The following SZT2 variants were observed in gnomAD, a reference collection of about 807,000 sequenced individuals.
The protein encoded by SZT2 is SZT2 subunit of KICSTOR complex, also known as KICSTOR complex protein SZT2.
In SZT2, 216 loss-of-function variants were observed where a neutral mutation model predicts 404.2. The ratio of observed to expected loss-of-function variants is 0.53; its 90% CI spans 0.48 to 0.60. The LOEUF is 0.60. Among genes scored for constraint, SZT2 ranks in the 20% least tolerant of loss-of-function variants. The pLI is 0.00. For missense variants in SZT2, 3,857 were observed against 4,459.2 expected (o/e 0.86, Z 3.85); for synonymous variants, 1,693 against 1,749.9 (o/e 0.97, Z 0.81).
rs763243256 is a variant in SZT2, at chr1:43,427,343, T to C, written c.3496T>C (p.Phe1166Leu). 6.2e-7 allele frequency: 1 copy of C among 1,613,926 alleles called. No individual in the cohort carries two copies. Among genetic ancestry groups the C allele is most frequent in the Non-Finnish European group, 8.5e-7 (1 of 1,179,976 alleles). The part of the protein sequence containing the change: ...GPPQEETKPK[F>L]GDWSGAPSLK... ...CCCTCAAGAGGAGACAAAGCCTAAG[T>C]TTGGGGATTGGAGTGGGGCTCCCAG... The change falls in exon 25 of 72, where the codon TTT (phenylalanine) becomes CTT (leucine). Residue 1166 changes from phenylalanine to leucine, a missense_variant. Transcript: ENST00000634258.
rs535083944 is a variant in SZT2, at chr1:43,431,998, A to G, written c.5274+97A>G. On this transcript the variant is annotated intron_variant, in intron 36 of 71. Coordinates refer to ENST00000634258, the MANE Select transcript of SZT2 (RefSeq NM_001365999.1). The stretch of plus-strand genomic sequence containing the variant: ...GAAGGCCCTCTGTTAGTTCGAACTC[A>G]TAGAGTTATCCCTCCTGTCTCCCTG... 5.3e-5 allele frequency: 75 copies of G among 1,428,376 alleles called. No homozygotes were observed. In the African/African-American group the frequency reaches 1.0e-3, roughly 20 times the overall value. 88.5% of individuals were successfully genotyped at this position (1,428,376 alleles called of 1,614,324 possible). A position where few individuals can be genotyped will look rare whatever the true frequency, so the allele number is the denominator to read the frequency against.
Position 43,448,053 on chromosome 1 carries a change from C to A in SZT2, c.9564-26C>A. On this transcript the variant is annotated intron_variant, in intron 68 of 71. Coordinates refer to ENST00000634258, the MANE Select transcript of SZT2 (RefSeq NM_001365999.1). This position sits in a 1 kb window ranked among gnomAD's most constrained non-coding sequence, Gnocchi z 4.2. ...TGTGTGTCTCTTGCTACAACCACCA[C>A]TCTCCTGCCCTGCTCCCCACCCCAG... 1 of 1,603,088 alleles carries A rather than the reference C, an allele frequency of 6.2e-7. No homozygotes were observed. The highest frequency in any genetic ancestry group is 8.5e-7 in the Non-Finnish European group (1 of 1,172,256).
At chr1:43,435,404 G>A (rs1654360498) in intron 42 of SZT2, 75 bp downstream of exon 42, 2 of 1,548,068 alleles carry the variant, frequency 1.3e-6, no homozygotes, top group Non-Finnish European at 1.8e-6. Flanking sequence ...TCTGGTGAAA[G>A]CTGAGGGCAG....
In SZT2 at chr1:43,439,137, C is replaced by T. The variant is rs1222381083; in HGVS notation, c.6792+44C>T. 2.5e-6 allele frequency: 4 copies of T among 1,610,114 alleles called. No homozygotes were observed. Among genetic ancestry groups the T allele is most frequent in the South Asian group, 1.1e-5 (1 of 90,846 alleles). On this transcript the variant is annotated intron_variant, in intron 48 of 71. Coordinates refer to ENST00000634258, the MANE Select transcript of SZT2 (RefSeq NM_001365999.1). The surrounding 1 kb of genome is among the most constrained non-coding windows in gnomAD (Gnocchi z 4.2). Reference sequence around the variant, plus strand: ...CTCTCCACACTCATGTGCACCCCTGCCCCCTGCCCCACGCACTTACTCTTT... The same window carrying T: ...CTCTCCACACTCATGTGCACCCCTGTCCCCTGCCCCACGCACTTACTCTTT...
Position 43,431,770 on chromosome 1 carries a change from CCA to C in SZT2, c.5146_5147del (p.Gln1716GlufsTer13). ...GGGGGCACTCCGAAGAGGGGGCATC[CCA>C]CAGAGTCCTGCCCTGCACCGCGCAG... ...MVGALRRGGI[P>X]QSPALHRAAA... On this transcript the variant is annotated frameshift_variant, in exon 36 of 72. Coordinates refer to ENST00000634258, the MANE Select transcript of SZT2 (RefSeq NM_001365999.1). LOFTEE classifies it high-confidence loss of function. The C allele has an allele frequency of 6.2e-7, 1 of 1,614,206 alleles. No individual in the cohort carries two copies. The highest frequency in any genetic ancestry group is 8.5e-7 in the Non-Finnish European group (1 of 1,180,030).
Position 43,442,831 on chromosome 1 carries a change from T to G in SZT2, c.8164T>G (p.Phe2722Val). Residue 2722 changes from phenylalanine (F) to valine (V), a missense_variant, in exon 59 of 72, where the codon TTC becomes GTC. This residue lies in a region of SZT2 where 573 missense variants were observed against 592.4 expected (regional missense o/e 0.97). Transcript: ENST00000634258. This position sits in a 1 kb window ranked among gnomAD's most constrained non-coding sequence, Gnocchi z 4.5. Reference protein sequence around the residue: ...PVRDEKEPNPFLLPTMEVETL... With the variant: ...PVRDEKEPNPVLLPTMEVETL... Reference sequence around the variant, plus strand: ...CTCCATCTCTCAGGAGCCAAACCCATTCCTGCTGCCGACCATGGAAGTGGA... The same window carrying G: ...CTCCATCTCTCAGGAGCCAAACCCAGTCCTGCTGCCGACCATGGAAGTGGA... 3.7e-6 allele frequency: 6 copies of G among 1,604,614 alleles called. No homozygotes were observed. The highest frequency in any genetic ancestry group is 5.1e-6 in the Non-Finnish European group (6 of 1,174,668).
rs1013599992 is a variant in SZT2 at position 43,453,481 on chromosome 1, C to T, written c.*3001C>T. 7 of 1,559,032 alleles carry T rather than the reference C, an allele frequency of 4.5e-6. No homozygotes were observed. In the Admixed American group the frequency reaches 1.1e-4, roughly 25 times the overall value. On this transcript the variant is annotated 3_prime_UTR_variant, in exon 72 of 72. Coordinates refer to ENST00000634258, the MANE Select transcript of SZT2 (RefSeq NM_001365999.1). ...CGGGGACGGCCCCCAGCCCCATTTC[C>T]CCCTTCTCTTGGTCTCCTGCAGAGA...
intron 31 of SZT2, 52 bp from the exon 32 acceptor site, chr1:43,430,444 C>G: frequency 6.2e-7 from 1 of 1,604,450 alleles, no homozygotes; most frequent in Non-Finnish European, 8.5e-7. Flanking sequence ...CGCCGAGATT[C>G]AAGGGTTCCA....
intron 40 of SZT2, 57 bp downstream of exon 40, chr1:43,433,247 C>T: frequency 6.4e-7 from 1 of 1,554,534 alleles, no homozygotes; most frequent in Admixed American, 1.7e-5. Flanking sequence ...TCTCTCTGCT[C>T]CCACAGTACC....
Position 43,448,044 on chromosome 1 carries a change from C to T in SZT2, c.9564-35C>T, listed in dbSNP as rs1161045943. On this transcript the variant is annotated intron_variant, in intron 68 of 71. Transcript: ENST00000634258. This position sits in a 1 kb window ranked among gnomAD's most constrained non-coding sequence, Gnocchi z 4.2. ...ACCCTGCCCTGTGTGTCTCTTGCTACAACCACCACTCTCCTGCCCTGCTCC... is the reference window on the plus strand; with the variant it reads ...ACCCTGCCCTGTGTGTCTCTTGCTATAACCACCACTCTCCTGCCCTGCTCC... 6.2e-7 allele frequency: 1 copy of T among 1,607,848 alleles called. No individual in the cohort carries two copies.
rs888837386 is a variant in SZT2, at chr1:43,453,799, G to T, written c.*3319G>T. The T allele has an allele frequency of 7.9e-7, 1 of 1,265,044 alleles. No individual in the cohort carries two copies. The allele number at this position is 1,265,044 out of a possible 1,614,324, so 78.4% of individuals were successfully genotyped here. A position where few individuals can be genotyped will look rare whatever the true frequency, so the allele number is the denominator to read the frequency against. ...GAGAAGCGCAGCGGCGCCATGCCTG[G>T]GGAGGCCGGGCCGGGCGGAGTCCGC... On this transcript the variant is annotated 3_prime_UTR_variant, in exon 72 of 72. Transcript: ENST00000634258.
Position 43,431,590 on chromosome 1 carries a change from C to G in SZT2, c.5088+67C>G, listed in dbSNP as rs1334114678. The G allele has an allele frequency of 1.8e-5, 29 of 1,607,232 alleles. No homozygotes were observed. The South Asian group carries it at 1.9e-4, about 10-fold the overall frequency. ...ATCGTATGAGTGAGATAAGGTACCC[C>G]CTTTGTTCTGGGATAGAAGTGAGGC... On this transcript the variant is annotated intron_variant, in intron 35 of 71. Transcript: ENST00000634258.
Position 43,419,952 on chromosome 1 carries a change from G to T in SZT2, c.1090+8G>T. The T allele has an allele frequency of 6.3e-7, 1 of 1,598,112 alleles. No individual in the cohort carries two copies. Among genetic ancestry groups the T allele is most frequent in the Non-Finnish European group, 8.5e-7 (1 of 1,179,534 alleles). ...ACCCTGAATATTACTGCGGTGAGAG[G>T]CACACTGAGGTGGGTGTGGGAAGGA... On this transcript the variant is annotated splice_region_variant and intron_variant, in intron 8 of 71. Coordinates refer to ENST00000634258, the MANE Select transcript of SZT2 (RefSeq NM_001365999.1).
chr1:43,435,135 CT>C (rs1421058407), intron 41 of SZT2, 64 bp from the exon 42 acceptor site: 84 of 1,585,082 alleles, frequency 5.3e-5, no homozygotes, highest in Admixed American at 6.8e-5. Flanking sequence ...TTGATCACCC[CT>C]GACCACCACC....
At position 43,406,660 on chromosome 1, in the gene SZT2, G is replaced by A. The variant is rs150420635; in HGVS notation, c.498+2110G>A. The A allele has an allele frequency of 9.2e-3, 1,403 of 152,404 alleles. 10 individuals carry two copies. The highest frequency in any genetic ancestry group is 0.027 in the Middle Eastern group (8 of 294). 9.4% of individuals were successfully genotyped at this position (152,404 alleles called of 1,614,324 possible). ...GAAAGGCCATGAATGTGACACTAAG[G>A]ACTTTGTGCTTTATTCTATGGGGGA... On this transcript the variant is annotated intron_variant, in intron 4 of 71. Transcript: ENST00000634258.
chr1:43,432,458 T>TGGAG lies in SZT2; in HGVS notation c.5442+22_5442+25dup, dbSNP rs752622865. On this transcript the variant is annotated intron_variant, in intron 37 of 71. Coordinates refer to ENST00000634258, the MANE Select transcript of SZT2 (RefSeq NM_001365999.1). ...AGGGGAGGTGAGTCTCACCTGGGAATGGAGGGGGGTGGTGGGTGTGTGGGG... is the reference window on the plus strand; with the variant it reads ...AGGGGAGGTGAGTCTCACCTGGGAATGGAGGGAGGGGGGTGGTGGGTGTGTGGGG... 2 of 1,548,104 alleles carry TGGAG rather than the reference T, an allele frequency of 1.3e-6. No homozygotes were observed. Among genetic ancestry groups the TGGAG allele is most frequent in the East Asian group, 4.5e-5 (2 of 44,270 alleles).
rs575969363 is a variant in SZT2, at chr1:43,439,992, C to T, written c.7154C>T (p.Ala2385Val). ...RGAARQALAD[A>V]IIELQLLPAS... ...GCAGCTCGCCAGGCCCTGGCCGATG[C>T]CATCATCGAGCTTCAGCTGCTGCCA... is the stretch of plus-strand genomic sequence containing the variant. Residue 2385 changes from alanine (A) to valine (V), a missense_variant, in exon 51 of 72, where the codon GCC (alanine) becomes GTC (valine). Coordinates refer to ENST00000634258, the MANE Select transcript of SZT2 (RefSeq NM_001365999.1). The surrounding 1 kb of genome is among the most constrained non-coding windows in gnomAD (Gnocchi z 4.2). 1.9e-6 allele frequency: 3 copies of T among 1,614,178 alleles called. No individual in the cohort carries two copies. Among genetic ancestry groups the T allele is most frequent in the Non-Finnish European group, 2.5e-6 (3 of 1,180,012 alleles).
intron 1 of SZT2, among the ~76,000 whole-genome samples, chr1:43,399,494 G>A (rs998316252): frequency 1.6e-4 from 23 of 141,236 alleles, no homozygotes; most frequent in Non-Finnish European, 3.0e-5. Flanking sequence ...TTTTTGAGAC[G>A]GAGTCTCGCT....
chr1:43,399,212 C>T (rs1308248359), intron 1 of SZT2, among the ~76,000 whole-genome samples: 1 of 152,198 alleles, frequency 6.6e-6, no homozygotes, highest in East Asian at 1.9e-4. Context: ...TCTTTTCTGT[C>T]CTATCCTAAA....
Sources: allele counts gnomAD v4.1 joint callset (sites outside exome capture counted in the v4.1 genomes callset), GRCh38; gene constraint gnomAD v4.1.1; regional missense constraint gnomAD v4.1.1; non-coding constraint Gnocchi (gnomAD v3.1); transcripts MANE v1.5; gene names NCBI Gene and HGNC (gene_info 2026-07-23, HGNC 2026-07-21).